SORCS2: variants seen among roughly 807,000 people sequenced by gnomAD.
SORCS2 encodes the protein sortilin related VPS10 domain containing receptor 2.
Under a neutral mutation model 141.6 loss-of-function variants are expected in SORCS2, and 100 were observed. The observed-to-expected ratio is 0.71, with a 90% CI of 0.60 to 0.83. The LOEUF is 0.83. Among genes scored for constraint, SORCS2 ranks in the 40% least tolerant of loss-of-function variants. The pLI, the probability that SORCS2 is intolerant of heterozygous loss-of-function variation, is 0.00. For missense variants in SORCS2, 1,646 were observed against 1,560.2 expected (o/e 1.05, Z -0.93); for synonymous variants, 789 against 676.9 (o/e 1.17, Z -2.57).
chr4:7,222,569 T>C (rs1370588335), intron 1 of SORCS2, among the ~76,000 whole-genome samples: 2 of 152,140 alleles, frequency 1.3e-5, no homozygotes, highest in Non-Finnish European at 2.9e-5. Context: ...GGTCTGTGAA[T>C]ATGCTGACAG....
At chr4:7,471,249 C>T (rs188304168) in intron 2 of SORCS2, among the ~76,000 whole-genome samples, 5 of 152,350 alleles carry the variant, frequency 3.3e-5, no homozygotes, top group South Asian at 2.1e-4. Context: ...TCCTGCCTCG[C>T]GCAATGCCAT....
chr4:7,525,434 G>A (rs1733608290), intron 2 of SORCS2, among the ~76,000 whole-genome samples: 2 of 152,010 alleles, frequency 1.3e-5, no homozygotes, highest in South Asian at 4.1e-4. Context: ...GCAGCAGTGG[G>A]CGGACATGAG....
intron 4 of SORCS2, among the ~76,000 whole-genome samples, chr4:7,641,538 G>C (rs1333333324): frequency 6.6e-6 from 1 of 152,162 alleles, no homozygotes; most frequent in African/African-American, 2.4e-5. Context: ...ACCATGTCAG[G>C]TAACTCTATC....
At chr4:7,724,105 AGTG>A (rs1264158350) in intron 19 of SORCS2, among the ~76,000 whole-genome samples, 2 of 135,974 alleles carry the variant, frequency 1.5e-5, no homozygotes, top group Admixed American at 1.4e-4. Flanking sequence ...TATTGATGAT[AGTG>A]GTGGTGATGG....
Position 7,233,231 on chromosome 4 carries a change from G to T in SORCS2, c.480+40105G>T, listed in dbSNP as rs950447210. ...GCCTTCCAGAGCAGGGGGAGGCGTC[G>T]GCCAGCCCTGAGAACTAGGAAGGGT... On this transcript the variant is annotated intron_variant, in intron 1 of 26. Coordinates refer to ENST00000507866, the MANE Select transcript of SORCS2 (RefSeq NM_020777.3). This position sits in a 1 kb window ranked among gnomAD's most constrained non-coding sequence, Gnocchi z 4.5. 3.3e-5 allele frequency among the ~76,000 whole-genome samples: 5 copies of T among 152,122 alleles called. No homozygotes were observed. The highest frequency in any genetic ancestry group is 7.4e-5 in the Non-Finnish European group (5 of 68,014).
At position 7,664,327 on chromosome 4, in the gene SORCS2, C is replaced by T. The variant is rs1362491813; in HGVS notation, c.953-26C>T. On this transcript the variant is annotated intron_variant, in intron 6 of 26. Transcript: ENST00000507866. This position sits in a 1 kb window ranked among gnomAD's most constrained non-coding sequence, Gnocchi z 4.7. ...TCTGGCTCCGGCTGGAGTCTGACCG[C>T]CTGGGTCGGCGCCTCTCTCCTGTAG... The T allele has an allele frequency of 1.3e-6, 2 of 1,597,996 alleles. No individual in the cohort carries two copies. Among genetic ancestry groups the T allele is most frequent in the African/African-American group, 2.7e-5 (2 of 74,548 alleles).
At chr4:7,384,862 G>GA (rs1467201715) in intron 1 of SORCS2, among the ~76,000 whole-genome samples, 1 of 152,254 alleles carries the variant, frequency 6.6e-6, no homozygotes, top group Non-Finnish European at 1.5e-5. Flanking sequence ...GGAGATGCCT[G>GA]AGGGCAGGGG....
At position 7,567,950 on chromosome 4, in the gene SORCS2, C is replaced by T. The variant is rs559113683; in HGVS notation, c.648+36321C>T. 3.3e-5 allele frequency among the ~76,000 whole-genome samples: 5 copies of T among 152,308 alleles called. No individual in the cohort carries two copies. In the South Asian group the frequency reaches 1.0e-3, roughly 32 times the overall value. ...GAGCACTTTCAGTTGGCTGCTGTGTCTCTTTGACATATTCCGATCACTGTA... is the reference window on the plus strand; with the variant it reads ...GAGCACTTTCAGTTGGCTGCTGTGTTTCTTTGACATATTCCGATCACTGTA... On this transcript the variant is annotated intron_variant, in intron 3 of 26. Transcript: ENST00000507866.
chr4:7,337,910 C>T (rs866135005), intron 1 of SORCS2, among the ~76,000 whole-genome samples: 4 of 152,174 alleles, frequency 2.6e-5, no homozygotes, highest in Middle Eastern at 3.2e-3. Flanking sequence ...GCTGGAAACA[C>T]CCAGCCCTGC....
At chr4:7,441,328 G>A (rs914385637) in intron 2 of SORCS2, among the ~76,000 whole-genome samples, 2 of 152,162 alleles carry the variant, frequency 1.3e-5, no homozygotes, top group Non-Finnish European at 2.9e-5. Flanking sequence ...GCTTCCAGGT[G>A]AGCAGCAGTT....
At chr4:7,701,249 G>A (rs1237581635) in intron 12 of SORCS2, among the ~76,000 whole-genome samples, 1 of 151,356 alleles carries the variant, frequency 6.6e-6, no homozygotes, top group Non-Finnish European at 1.5e-5. Context: ...AAAAAGGAGA[G>A]AGGAGGGAGG....
chr4:7,501,283 G>A (rs1250106253), intron 2 of SORCS2, among the ~76,000 whole-genome samples: 4 of 152,188 alleles, frequency 2.6e-5, no homozygotes, highest in African/African-American at 9.6e-5. Context: ...ACCTTGCTCT[G>A]TTCTTGGTTC....
chr4:7,614,049 C>A (rs1429415970), intron 3 of SORCS2, among the ~76,000 whole-genome samples: 2 of 151,722 alleles, frequency 1.3e-5, no homozygotes, highest in African/African-American at 4.8e-5. Flanking sequence ...ATCCATTTAT[C>A]CATCCACCTA....
At chr4:7,662,530 G>A (rs892131278) in intron 6 of SORCS2, among the ~76,000 whole-genome samples, 5 of 152,198 alleles carry the variant, frequency 3.3e-5, no homozygotes, top group Non-Finnish European at 7.3e-5. Context: ...TGTGTCCCCA[G>A]TAAGGCTGCT....
chr4:7,376,324 C>T (rs1273602348), intron 1 of SORCS2, among the ~76,000 whole-genome samples: 1 of 151,296 alleles, frequency 6.6e-6, no homozygotes, highest in Non-Finnish European at 1.5e-5. Context: ...TGCCTGTAAT[C>T]CCAGCACTTT....
chr4:7,730,032 C>T (rs749839318), intron 23 of SORCS2, among the ~76,000 whole-genome samples: 1 of 152,194 alleles, frequency 6.6e-6, no homozygotes, highest in Admixed American at 6.5e-5. Flanking sequence ...GCCAGGAGCA[C>T]TGGGAAATGA....
At chr4:7,237,369 TTTAGAAGAGACCCC>T (rs576931644) in intron 1 of SORCS2, among the ~76,000 whole-genome samples, 3 of 152,246 alleles carry the variant, frequency 2.0e-5, no homozygotes, top group African/African-American at 7.2e-5. Flanking sequence ...GGCTGCTGTT[TTTAGAAGAGACCCC>T]TCTTGGCTGC....
intron 5 of SORCS2, among the ~76,000 whole-genome samples, chr4:7,660,563 C>T (rs148226021): frequency 6.6e-6 from 1 of 152,158 alleles, no homozygotes; most frequent in Non-Finnish European, 1.5e-5. Context: ...TAGGAGAAGG[C>T]CTTGGTTGTG....
In SORCS2 at chr4:7,648,550, C is replaced by A. The variant is rs899142512; in HGVS notation, c.814-5584C>A. 2.6e-5 allele frequency among the ~76,000 whole-genome samples: 4 copies of A among 152,100 alleles called. No homozygotes were observed. Among genetic ancestry groups the A allele is most frequent in the East Asian group, 3.9e-4 (2 of 5,176 alleles). On this transcript the variant is annotated intron_variant, in intron 4 of 26. Transcript: ENST00000507866. This position sits in a 1 kb window ranked among gnomAD's most constrained non-coding sequence, Gnocchi z 4.2. ...ACTGCTGGGAACAAAACAGACCAACCCCTGCCCTCGTGGGGCCTCCTTTCT... is the reference window on the plus strand; with the variant it reads ...ACTGCTGGGAACAAAACAGACCAACACCTGCCCTCGTGGGGCCTCCTTTCT...
Sources: allele counts gnomAD v4.1 joint callset (sites outside exome capture counted in the v4.1 genomes callset), GRCh38; gene constraint gnomAD v4.1.1; non-coding constraint Gnocchi (gnomAD v3.1); transcripts MANE v1.5; gene names NCBI Gene and HGNC (gene_info 2026-07-23, HGNC 2026-07-21).